Variants in MYO5B observed in about 807,000 individuals in gnomAD.
MYO5B encodes unconventional myosin-Vb.
A neutral mutation model predicts 229.3 loss-of-function variants in MYO5B; 143 were observed. The observed-to-expected ratio is 0.62, with a 90% CI of 0.54 to 0.72. The LOEUF (loss-of-function observed/expected upper bound fraction) is 0.72, where lower values mean the gene tolerates loss of function less well. Among genes scored for constraint, MYO5B ranks in the 30% least tolerant of loss-of-function variants. MYO5B has a pLI of 0.00. For synonymous variants in MYO5B, 918 were observed against 885.2 expected (o/e 1.04, Z -0.66); for missense variants, 2,321 against 2,331.0 (o/e 1.00, Z 0.09).
chr18:49,956,102 A>G (rs1448551460), intron 12 of MYO5B, among the ~76,000 whole-genome samples: 1 of 145,572 alleles, frequency 6.9e-6, no homozygotes, highest in Non-Finnish European at 1.5e-5. Flanking sequence ...GGTCAAGTGT[A>G]TACATAATTT....
intron 23 of MYO5B, chr18:49,879,503 G>A: frequency 4.1e-6 from 1 of 246,134 alleles, no homozygotes. Context: ...GGGGTAAAAG[G>A]AAAGAAGGCA....
intron 2 of MYO5B, 71 bp downstream of exon 2, chr18:50,055,197 T>C: frequency 4.9e-6 from 5 of 1,021,614 alleles, no homozygotes; most frequent in Non-Finnish European, 7.5e-6. Context: ...TACTATCTAC[T>C]CCTGTTCCTT....
At chr18:49,991,722 T>C (rs987797337) in intron 6 of MYO5B, among the ~76,000 whole-genome samples, 3 of 152,068 alleles carry the variant, frequency 2.0e-5, no homozygotes, top group Non-Finnish European at 4.4e-5. Flanking sequence ...ATACCTAATG[T>C]AGATGATGAG....
intron 22 of MYO5B, among the ~76,000 whole-genome samples, chr18:49,886,776 C>T (rs1787319): frequency 0.79 from 120,261 of 151,950 alleles, 47,760 homozygotes; most frequent in East Asian, 0.95. Flanking sequence ...AGAGTGACGA[C>T]GTTTTATCCG....
At chr18:50,143,180 T>C (rs902597108) in intron 1 of MYO5B, among the ~76,000 whole-genome samples, 16 of 152,222 alleles carry the variant, frequency 1.1e-4, no homozygotes, top group African/African-American at 2.7e-4. Flanking sequence ...AAGAAGGTCA[T>C]TGACAAACTA....
At chr18:49,909,045 G>A (rs112741300) in intron 18 of MYO5B, among the ~76,000 whole-genome samples, 2,192 of 152,272 alleles carry the variant, frequency 0.014, 24 homozygotes, top group Non-Finnish European at 0.019. Flanking sequence ...TGCCTGCCCT[G>A]CAGGCCACCT....
At chr18:50,001,568 C>T (rs916885560) in intron 4 of MYO5B, among the ~76,000 whole-genome samples, 157 bp from the exon 5 acceptor site, 9 of 152,162 alleles carry the variant, frequency 5.9e-5, no homozygotes, top group Non-Finnish European at 1.0e-4. Flanking sequence ...CTGCCCTCCC[C>T]GACACCTGCA....
In MYO5B at chr18:50,194,788, C is replaced by T. The variant is rs936982416; in HGVS notation, c.6G>A (p.Ser2=). The change falls in exon 1 of 40, where the codon TCG becomes TCA. Residue 2 remains serine, a synonymous_variant. Transcript: ENST00000285039. The stretch of plus-strand genomic sequence containing the variant: ...TCACCTGGCTGTAGAGCTCGCCCAC[C>T]GACATGGCCCGGGCCGGGCGGGGCT... M[S]VGELYSQCTR... is the part of the protein sequence containing the mutation. The T allele has an allele frequency of 9.0e-6, 13 of 1,438,774 alleles. No homozygotes were observed. The highest frequency in any genetic ancestry group is 1.2e-5 in the Non-Finnish European group (13 of 1,098,482). The allele number at this position is 1,438,774 out of a possible 1,614,324, so 89.1% of individuals were successfully genotyped here.
intron 16 of MYO5B, 58 bp downstream of exon 16, chr18:49,936,194 T>G: frequency 6.9e-7 from 1 of 1,455,312 alleles, no homozygotes; most frequent in Non-Finnish European, 9.4e-7. Flanking sequence ...TGGGCCACCC[T>G]GTTCCACCTG....
chr18:49,888,543 C>T (rs1438220931), intron 22 of MYO5B, among the ~76,000 whole-genome samples: 18 of 152,304 alleles, frequency 1.2e-4, no homozygotes, highest in Non-Finnish European at 1.5e-5. Context: ...GTGAAGAGTT[C>T]TACGTTGCCA....
intron 22 of MYO5B, among the ~76,000 whole-genome samples, chr18:49,893,658 T>C (rs184635425): frequency 3.9e-5 from 6 of 152,306 alleles, no homozygotes; most frequent in Admixed American, 3.3e-4. Context: ...TACTTTCTTC[T>C]TCCCTTAATC....
chr18:49,981,998 G>C (rs1469050823), intron 8 of MYO5B, among the ~76,000 whole-genome samples: 1 of 152,180 alleles, frequency 6.6e-6, no homozygotes, highest in East Asian at 1.9e-4. Flanking sequence ...AAGTCCCATT[G>C]AAAGTGCTAG....
chr18:50,133,921 G>C (rs1568119619), intron 1 of MYO5B, among the ~76,000 whole-genome samples: 1 of 152,176 alleles, frequency 6.6e-6, no homozygotes, highest in African/African-American at 2.4e-5. Context: ...TTAAGAGAAA[G>C]ACACAAGTGC....
At chr18:49,886,164 T>A (rs1016545999) in intron 22 of MYO5B, among the ~76,000 whole-genome samples, 1 of 152,324 alleles carries the variant, frequency 6.6e-6, no homozygotes, top group East Asian at 1.9e-4. Context: ...GGTCTTGAAC[T>A]CTTGGGCTCA....
intron 1 of MYO5B, among the ~76,000 whole-genome samples, chr18:50,106,605 C>A (rs138549372): frequency 1.2e-4 from 18 of 152,320 alleles, no homozygotes; most frequent in African/African-American, 4.3e-4. Flanking sequence ...CACCCTATTT[C>A]TCATTATCTG....
At chr18:49,907,363 G>A (rs891550148) in intron 18 of MYO5B, among the ~76,000 whole-genome samples, 1 of 152,164 alleles carries the variant, frequency 6.6e-6, no homozygotes, top group Non-Finnish European at 1.5e-5. Context: ...ATAAAACTAT[G>A]AGATTGTTTT....
chr18:49,932,498 G>C (rs1309042183), intron 16 of MYO5B, among the ~76,000 whole-genome samples: 1 of 152,092 alleles, frequency 6.6e-6, no homozygotes, highest in South Asian at 2.1e-4. Context: ...GCTTTCCCCT[G>C]TGGTCTGGGG....
intron 39 of MYO5B, among the ~76,000 whole-genome samples, chr18:49,832,228 G>A (rs935718712): frequency 6.6e-6 from 1 of 152,212 alleles, no homozygotes; most frequent in African/African-American, 2.4e-5. Flanking sequence ...ATGGGATGGA[G>A]AAGAGTACCC....
chr18:49,890,317 T>C (rs1177348624), intron 22 of MYO5B, among the ~76,000 whole-genome samples: 1 of 152,158 alleles, frequency 6.6e-6, no homozygotes, highest in Non-Finnish European at 1.5e-5. Context: ...CTGAGCATGA[T>C]AAATAACACC....
Sources: gnomAD v4.1 joint callset for allele counts (sites outside exome capture counted in the v4.1 genomes callset) on GRCh38, gnomAD v4.1.1 for gene constraint, MANE v1.5 for transcripts, NCBI Gene and HGNC (gene_info 2026-07-23, HGNC 2026-07-21) for gene names.